The following ABHD15 variants were observed in gnomAD, a reference collection of about 807,000 sequenced individuals.
ABHD15 encodes the protein protein ABHD15.
ABHD15 carries 34 observed loss-of-function variants against 34.4 expected under a neutral mutation model. The observed-to-expected ratio is 0.99, with a 90% confidence interval of 0.75 to 1.32. The LOEUF is 1.32. Ranked by LOEUF, ABHD15 falls within the 40% of genes most tolerant of loss-of-function variation. The pLI, the probability that ABHD15 is intolerant of heterozygous loss-of-function variation, is 0.00. For missense variants in ABHD15, 644 were observed against 650.4 expected (o/e 0.99, Z 0.11); for synonymous variants, 314 against 299.2 (o/e 1.05, Z -0.51).
chr17:29,565,102 T>A (rs1242255628), intron 1 of ABHD15, among the ~76,000 whole-genome samples: 1 of 151,756 alleles, frequency 6.6e-6, no homozygotes, highest in Non-Finnish European at 1.5e-5. Context: ...AAAAAAAATA[T>A]TAAAAATTAG....
rs377023342 is a variant in ABHD15, at chr17:29,566,511, G to C, written c.456C>G (p.Ser152Arg). 1.2e-6 allele frequency: 2 copies of C among 1,610,602 alleles called. No homozygotes were observed. Among genetic ancestry groups the C allele is most frequent in the Non-Finnish European group, 1.7e-6 (2 of 1,179,574 alleles). ...GPCVRGRRIT[S>R]AGGLPAVLLV... ...GAAGCACCGCAGGAAGGCCCCCGGC[G>C]CTGGTGATCCGGCGGCCCCGAACAC... The change falls in exon 1 of 2, where the codon AGC becomes AGG. Residue 152 changes from serine to arginine, a missense_variant. Physicochemically the swap from Ser to Arg is moderately radical, Grantham distance 110. Coordinates refer to ENST00000307201, the MANE Select transcript of ABHD15 (RefSeq NM_198147.3).
rs1245114706 is a variant in ABHD15 at position 29,560,650 on chromosome 17, TTTTTC to T, written c.*1906_*1910del. On this transcript the variant is annotated 3_prime_UTR_variant, in exon 2 of 2. Transcript: ENST00000307201. ...CAAGAAGTGGGGAGAAGGGAGATAA[TTTTTC>T]TTTTCTTTTTTTTTTTTGAAACACA... is the stretch of plus-strand genomic sequence containing the variant. 17 of 151,958 alleles carry T rather than the reference TTTTTC, an allele frequency of 1.1e-4. No individual in the cohort carries two copies. The highest frequency in any genetic ancestry group is 6.2e-4 in the South Asian group (3 of 4,816). The allele number at this position is 151,958 out of a possible 1,614,324, so 9.4% of individuals were successfully genotyped here. A position where few individuals can be genotyped will look rare whatever the true frequency, so the allele number is the denominator to read the frequency against.
In ABHD15 at chr17:29,562,581, T is replaced by G. The variant is rs1428388443; in HGVS notation, c.1387A>C (p.Lys463Gln). The G allele has an allele frequency of 6.2e-7, 1 of 1,613,464 alleles. No individual in the cohort carries two copies. The highest frequency in any genetic ancestry group is 2.2e-5 in the East Asian group (1 of 44,850). The stretch of plus-strand genomic sequence containing the variant: ...GTCTTTCACCTTGTGTATGATCGCT[T>G]CCAGTTAAAGATCTCCTCCAGGTTG... ...SSNLEEIFNW[K>Q]RSYTR The change falls in exon 2 of 2, where the codon AAG becomes CAG. Residue 463 changes from lysine (K) to glutamine (Q), a missense_variant. Lys to Gln is a moderately conservative substitution (Grantham distance 53). Transcript: ENST00000307201.
rs1287013228 is a variant in ABHD15 at position 29,566,412 on chromosome 17, G to A, written c.555C>T (p.Gly185=). 2 of 1,611,986 alleles carry A rather than the reference G, an allele frequency of 1.2e-6. No individual in the cohort carries two copies. Among genetic ancestry groups the A allele is most frequent in the African/African-American group, 1.3e-5 (1 of 75,066 alleles). The change falls in exon 1 of 2, where the codon GGC becomes GGT. Residue 185 remains glycine, a synonymous_variant. Coordinates refer to ENST00000307201, the MANE Select transcript of ABHD15 (RefSeq NM_198147.3). ...LGLCLLALER[G]YYPVIFHRRG... The stretch of plus-strand genomic sequence containing the variant: ...GGCGATGGAAGATGACCGGGTAGTA[G>A]CCGCGCTCCAGGGCGAGCAAGCAAA...
Position 29,566,440 on chromosome 17 carries a change from C to A in ABHD15, c.527G>T (p.Gly176Val). The stretch of plus-strand genomic sequence containing the variant: ...GCGCTCCAGGGCGAGCAAGCAAAGG[C>A]CGAGCACGTTGCGGGTGAGGCGACC... The part of the protein sequence containing the change: ...AWGRLTRNVL[G>V]LCLLALERGY... The change falls in exon 1 of 2, where the codon GGC (glycine) becomes GTC (valine). Residue 176 changes from glycine (G) to valine (V), a missense_variant. Coordinates refer to ENST00000307201, the MANE Select transcript of ABHD15 (RefSeq NM_198147.3). 6.2e-7 allele frequency: 1 copy of A among 1,612,372 alleles called. No individual in the cohort carries two copies. Among genetic ancestry groups the A allele is most frequent in the Admixed American group, 1.7e-5 (1 of 59,970 alleles).
chr17:29,562,553 C>A lies in ABHD15; in HGVS notation c.*8G>T. The A allele has an allele frequency of 6.2e-7, 1 of 1,607,982 alleles. No homozygotes were observed. The highest frequency in any genetic ancestry group is 1.3e-5 in the African/African-American group (1 of 74,828). ...TTGCAGGACTTGGGGGTTCTCAGGC[C>A]AGGTCTTTCACCTTGTGTATGATCG... On this transcript the variant is annotated 3_prime_UTR_variant, in exon 2 of 2. Coordinates refer to ENST00000307201, the MANE Select transcript of ABHD15 (RefSeq NM_198147.3).
chr17:29,561,748 C>T lies in ABHD15; in HGVS notation c.*813G>A, dbSNP rs1420030547. On this transcript the variant is annotated 3_prime_UTR_variant, in exon 2 of 2. Coordinates refer to ENST00000307201, the MANE Select transcript of ABHD15 (RefSeq NM_198147.3). ...TGGCTGCAGCTCTCTGGAGTAATCCCCTGAAATGGTGCCAGAGGGAGCATG... is the reference window on the plus strand; with the variant it reads ...TGGCTGCAGCTCTCTGGAGTAATCCTCTGAAATGGTGCCAGAGGGAGCATG... 1 of 152,570 alleles carries T rather than the reference C, an allele frequency of 6.6e-6. No homozygotes were observed. The highest frequency in any genetic ancestry group is 1.5e-5 in the Non-Finnish European group (1 of 68,062). 9.5% of individuals were successfully genotyped at this position (152,570 alleles called of 1,614,324 possible).
chr17:29,566,192 C>CGCCTGT lies in ABHD15; in HGVS notation c.769_774dup (p.Thr257_Gly258dup). ...CGCAGCACGGGCGAGATGCAGGCGG[C>CGCCTGT]GCCTGTCACGTAGCTGGAGGAGCCG... On this transcript the variant is annotated inframe_insertion, in exon 1 of 2. Transcript: ENST00000307201. The CGCCTGT allele has an allele frequency of 6.2e-7, 1 of 1,609,782 alleles. No individual in the cohort carries two copies. Among genetic ancestry groups the CGCCTGT allele is most frequent in the Non-Finnish European group, 8.5e-7 (1 of 1,178,014 alleles).
chr17:29,566,679 G>A lies in ABHD15; in HGVS notation c.288C>T (p.Gly96=). The A allele has an allele frequency of 6.3e-7, 1 of 1,595,264 alleles. No individual in the cohort carries two copies. ...ALRRSEALEA[G]PRSWFSGPHL... ...GGGGCCCGGAGAACCAGGAGCGCGGGCCGGCCTCCAGCGCCTCTGAGCGCC... is the reference window on the plus strand; with the variant it reads ...GGGGCCCGGAGAACCAGGAGCGCGGACCGGCCTCCAGCGCCTCTGAGCGCC... Residue 96 remains glycine (G), a synonymous_variant, in exon 1 of 2, where the codon GGC becomes GGT. Coordinates refer to ENST00000307201, the MANE Select transcript of ABHD15 (RefSeq NM_198147.3).
rs1019309102 is a variant in ABHD15, at chr17:29,566,704, C to G, written c.263G>C (p.Arg88Pro). The part of the protein sequence containing the change: ...ALAQCLLRAL[R>P]RSEALEAGPR... ...GCCGGCCTCCAGCGCCTCTGAGCGC[C>G]GCAGGGCGCGCAGCAGGCACTGGGC... Residue 88 changes from arginine (R) to proline (P), a missense_variant, in exon 1 of 2, where the codon CGG becomes CCG. By Grantham distance (103) the Arg-to-Pro change is moderately radical. Transcript: ENST00000307201. The G allele has an allele frequency of 6.3e-7, 1 of 1,582,338 alleles. No homozygotes were observed. The highest frequency in any genetic ancestry group is 8.5e-7 in the Non-Finnish European group (1 of 1,170,538).
chr17:29,562,449 A>AG lies in ABHD15; in HGVS notation c.*111dup. 8.4e-7 allele frequency: 1 copy of AG among 1,190,538 alleles called. No homozygotes were observed. Among genetic ancestry groups the AG allele is most frequent in the East Asian group, 2.4e-5 (1 of 42,318 alleles). 73.7% of individuals were successfully genotyped at this position (1,190,538 alleles called of 1,614,324 possible). A position where few individuals can be genotyped will look rare whatever the true frequency, so the allele number is the denominator to read the frequency against. On this transcript the variant is annotated 3_prime_UTR_variant, in exon 2 of 2. Transcript: ENST00000307201. Reference sequence around the variant, plus strand: ...CAATTTAAGAGAGAGGGACTGAATGAGGAGCACAGAGCTGGAGCTCCCTCT... The same window carrying AG: ...CAATTTAAGAGAGAGGGACTGAATGAGGGAGCACAGAGCTGGAGCTCCCTCT...
chr17:29,565,931 G>C (rs1352509246), intron 1 of ABHD15, 155 bp downstream of exon 1: 1 of 1,037,592 alleles, frequency 9.6e-7, no homozygotes, highest in Non-Finnish European at 1.3e-6. Context: ...GTTCTGTCTA[G>C]ATTACAGGGT....
At position 29,562,925 on chromosome 17, in the gene ABHD15, G is replaced by GCC; in HGVS notation, c.1041_1042dup (p.Ala348GlyfsTer24). The GCC allele has an allele frequency of 1.2e-6, 2 of 1,614,132 alleles. No individual in the cohort carries two copies. The highest frequency in any genetic ancestry group is 1.7e-6 in the Non-Finnish European group (2 of 1,180,048). On this transcript the variant is annotated frameshift_variant, in exon 2 of 2. Coordinates refer to ENST00000307201, the MANE Select transcript of ABHD15 (RefSeq NM_198147.3). LOFTEE classifies it high-confidence loss of function. ...GCAGATACACAGCACAGGCACGGCT[G>GCC]CCTCATCGACATCCCGGAGCGGGTC...
chr17:29,562,893 C>G lies in ABHD15; in HGVS notation c.1075G>C (p.Asp359His). 6.2e-7 allele frequency: 1 copy of G among 1,614,158 alleles called. No individual in the cohort carries two copies. Among genetic ancestry groups the G allele is most frequent in the Non-Finnish European group, 8.5e-7 (1 of 1,180,046 alleles). ...TCTGGGGGTCCACACACGGGGTCGT[C>G]AGCACTGCAGATACACAGCACAGGC... ...AVPVLCICSADDPVCGPPDHT... is the reference protein window; with the variant it reads ...AVPVLCICSAHDPVCGPPDHT... Residue 359 changes from aspartate (D) to histidine (H), a missense_variant, in exon 2 of 2, where the codon GAC becomes CAC. By Grantham distance (81) the Asp-to-His change is moderately conservative. Coordinates refer to ENST00000307201, the MANE Select transcript of ABHD15 (RefSeq NM_198147.3).
chr17:29,560,570 A>G lies in ABHD15; in HGVS notation c.*1991T>C, dbSNP rs1400699809. On this transcript the variant is annotated 3_prime_UTR_variant, in exon 2 of 2. Coordinates refer to ENST00000307201, the MANE Select transcript of ABHD15 (RefSeq NM_198147.3). ...GCTTAATTTCAGTTCCTTTTTATTT[A>G]TCCTGCTTAGAAACGGCAAAAGAAC... The G allele has an allele frequency of 6.6e-6, 1 of 152,076 alleles. No homozygotes were observed. Among genetic ancestry groups the G allele is most frequent in the Non-Finnish European group, 1.5e-5 (1 of 67,998 alleles). The allele number at this position is 152,076 out of a possible 1,614,324, so 9.4% of individuals were successfully genotyped here. A position where few individuals can be genotyped will look rare whatever the true frequency, so the allele number is the denominator to read the frequency against.
rs756429604 is a variant in ABHD15 at position 29,561,778 on chromosome 17, G to A, written c.*783C>T. On this transcript the variant is annotated 3_prime_UTR_variant, in exon 2 of 2. Coordinates refer to ENST00000307201, the MANE Select transcript of ABHD15 (RefSeq NM_198147.3). ...AATGGTGCCAGAGGGAGCATGTAGG[G>A]TAGCCAAGATTCTGACTCCTTGAAC... 2 of 152,528 alleles carry A rather than the reference G, an allele frequency of 1.3e-5. No individual in the cohort carries two copies. Among genetic ancestry groups the A allele is most frequent in the Admixed American group, 6.5e-5 (1 of 15,274 alleles). The allele number at this position is 152,528 out of a possible 1,614,324, so 9.4% of individuals were successfully genotyped here. A position where few individuals can be genotyped will look rare whatever the true frequency, so the allele number is the denominator to read the frequency against.
Position 29,562,578 on chromosome 17 carries a change from G to C in ABHD15, c.1390C>G (p.Arg464Gly), listed in dbSNP as rs377676039. The C allele has an allele frequency of 3.1e-6, 5 of 1,613,186 alleles. No homozygotes were observed. The highest frequency in any genetic ancestry group is 4.2e-6 in the Non-Finnish European group (5 of 1,179,748). The change falls in exon 2 of 2, where the codon CGA becomes GGA. Residue 464 changes from arginine (R) to glycine (G), a missense_variant. By Grantham distance (125) the Arg-to-Gly change is moderately radical (BLOSUM62 -2). Coordinates refer to ENST00000307201, the MANE Select transcript of ABHD15 (RefSeq NM_198147.3). Reference sequence around the variant, plus strand: ...CAGGTCTTTCACCTTGTGTATGATCGCTTCCAGTTAAAGATCTCCTCCAGG... The same window carrying C: ...CAGGTCTTTCACCTTGTGTATGATCCCTTCCAGTTAAAGATCTCCTCCAGG... ...SNLEEIFNWKRSYTR is the reference protein window; with the variant it reads ...SNLEEIFNWKGSYTR
Position 29,562,709 on chromosome 17 carries a change from CG to C in ABHD15, c.1258del (p.Arg420GlufsTer9), listed in dbSNP as rs776106528. The part of the protein sequence containing the change: ...ESFRALTEFF[R>X]TEERIKGLSR... The stretch of plus-strand genomic sequence containing the variant: ...CAGCCCTTTAATCCTCTCCTCCGTT[CG>C]GAAGAACTCAGTCAAGGCCCGGAAG... On this transcript the variant is annotated frameshift_variant, in exon 2 of 2. Coordinates refer to ENST00000307201, the MANE Select transcript of ABHD15 (RefSeq NM_198147.3). LOFTEE classifies it high-confidence loss of function. The C allele has an allele frequency of 6.2e-7, 1 of 1,614,160 alleles. No homozygotes were observed. The highest frequency in any genetic ancestry group is 1.7e-5 in the Admixed American group (1 of 60,026).
rs929205345 is a variant in ABHD15, at chr17:29,562,810, A to G, written c.1158T>C (p.Ser386=). 6.2e-6 allele frequency: 10 copies of G among 1,613,300 alleles called. No individual in the cohort carries two copies. In the African/African-American group the frequency reaches 6.7e-5, roughly 11 times the overall value. ...HSNPYFFLLL[S]RHGGHCGFLR... is the part of the protein sequence containing the mutation. ...GGAAGCCACAGTGGCCTCCGTGGCGACTGAGCAGGAGGAAGAAGTAGGGGT... is the reference window on the plus strand; with the variant it reads ...GGAAGCCACAGTGGCCTCCGTGGCGGCTGAGCAGGAGGAAGAAGTAGGGGT... The change falls in exon 2 of 2, where the codon AGT becomes AGC. Residue 386 remains serine, a synonymous_variant. Coordinates refer to ENST00000307201, the MANE Select transcript of ABHD15 (RefSeq NM_198147.3).
Sources: gnomAD v4.1 joint callset for allele counts (sites outside exome capture counted in the v4.1 genomes callset) on GRCh38, gnomAD v4.1.1 for gene constraint, MANE v1.5 for transcripts, NCBI Gene and HGNC (gene_info 2026-07-23, HGNC 2026-07-21) for gene names.